Variants in CPNE8 observed in about 807,000 individuals in gnomAD.
CPNE8 encodes copine-8.
In CPNE8, 45 loss-of-function variants were observed where a neutral mutation model predicts 81.5. That is an observed-to-expected ratio of 0.55 (90% CI 0.44 to 0.71). CPNE8 has a LOEUF of 0.71. Ranked by LOEUF, CPNE8 falls within the 30% of genes least tolerant of loss-of-function variation. CPNE8 has a pLI of 0.00. For missense variants in CPNE8, 594 were observed against 672.1 expected (o/e 0.88, Z 1.28); for synonymous variants, 252 against 226.3 (o/e 1.11, Z -1.02).
chr12:38,895,486 G>A (rs139293572), intron 1 of CPNE8, among the ~76,000 whole-genome samples: 1,995 of 152,082 alleles, frequency 0.013, 18 homozygotes, highest in African/African-American at 0.017. Flanking sequence ...CTGATTTCTA[G>A]CTAAATAGTC....
intron 6 of CPNE8, among the ~76,000 whole-genome samples, chr12:38,792,263 CA>C: frequency 6.8e-6 from 1 of 147,060 alleles, no homozygotes; most frequent in Non-Finnish European, 1.5e-5. Context: ...ATAGAGAATA[CA>C]AAAACATTAC....
intron 1 of CPNE8, among the ~76,000 whole-genome samples, chr12:38,899,476 T>TAAATA (rs1944430488): frequency 6.6e-6 from 1 of 152,202 alleles, no homozygotes; most frequent in South Asian, 2.1e-4. Context: ...ATGATGTTAA[T>TAAATA]AAGCCACCTT....
At chr12:38,845,617 T>A (rs888050337) in intron 4 of CPNE8, among the ~76,000 whole-genome samples, 7 of 152,096 alleles carry the variant, frequency 4.6e-5, no homozygotes, top group African/African-American at 1.7e-4. Flanking sequence ...TATATATATA[T>A]AACTCGTGAA....
intron 1 of CPNE8, among the ~76,000 whole-genome samples, chr12:38,894,611 G>A (rs1352556198): frequency 1.3e-5 from 2 of 148,632 alleles, no homozygotes; most frequent in African/African-American, 2.5e-5. Flanking sequence ...TTCTAGTGTA[G>A]TTCCCACGTA....
Position 38,732,015 on chromosome 12 carries a change from AG to A in CPNE8, c.723-1658del, listed in dbSNP as rs567180174. On this transcript the variant is annotated intron_variant, in intron 10 of 19. Coordinates refer to ENST00000331366, the MANE Select transcript of CPNE8 (RefSeq NM_153634.3). ...AACCACTGAGATAAAAGGTTCTATT[AG>A]AGCACTTCAAACACAACGCTTTGAT... Among the ~76,000 whole-genome samples the A allele has an allele frequency of 1.5e-3, 227 of 151,996 alleles. 1 individual carries two copies. The highest frequency in any genetic ancestry group is 5.2e-3 in the African/African-American group (215 of 41,524).
intron 8 of CPNE8, among the ~76,000 whole-genome samples, chr12:38,766,449 C>A (rs1049553467): frequency 2.6e-5 from 4 of 152,116 alleles, no homozygotes; most frequent in African/African-American, 9.7e-5. Context: ...GATGCTATGA[C>A]ACTGACATTT....
At chr12:38,862,475 T>C (rs1943852233) in intron 3 of CPNE8, among the ~76,000 whole-genome samples, 1 of 152,194 alleles carries the variant, frequency 6.6e-6, no homozygotes, top group Non-Finnish European at 1.5e-5. Flanking sequence ...ATTTGCACCT[T>C]TTCTGTACGC....
intron 6 of CPNE8, among the ~76,000 whole-genome samples, chr12:38,822,621 G>T (rs974613678): frequency 6.6e-6 from 1 of 152,176 alleles, no homozygotes; most frequent in African/African-American, 2.4e-5. Context: ...TCAGGAATTT[G>T]ATGCACTTTG....
intron 1 of CPNE8, among the ~76,000 whole-genome samples, chr12:38,888,473 T>C (rs745374070): frequency 2.6e-5 from 4 of 152,182 alleles, no homozygotes; most frequent in Admixed American, 6.5e-5. Context: ...CTTTGGACCA[T>C]TGGACAATTC....
chr12:38,773,335 A>G (rs1441600662), intron 7 of CPNE8, among the ~76,000 whole-genome samples: 1 of 152,114 alleles, frequency 6.6e-6, no homozygotes, highest in Non-Finnish European at 1.5e-5. Context: ...AAAAATATTA[A>G]TAATAAATAA....
chr12:38,883,975 G>A (rs183744543), intron 1 of CPNE8, among the ~76,000 whole-genome samples: 18 of 152,194 alleles, frequency 1.2e-4, no homozygotes, highest in East Asian at 1.2e-3. Context: ...TGTATCTCCC[G>A]TTCACTTGAG....
chr12:38,774,973 T>C (rs145687586), intron 7 of CPNE8, among the ~76,000 whole-genome samples: 21 of 152,328 alleles, frequency 1.4e-4, no homozygotes, highest in African/African-American at 4.6e-4. Flanking sequence ...TATCTCACTG[T>C]TCTACTCCTG....
At chr12:38,779,661 T>C (rs1485700080) in intron 6 of CPNE8, among the ~76,000 whole-genome samples, 2 of 152,100 alleles carry the variant, frequency 1.3e-5, no homozygotes, top group Non-Finnish European at 2.9e-5. Context: ...TCCAGAAAAG[T>C]TTCCCTTCAA....
rs986590375 is a variant in CPNE8, at chr12:38,803,459, C to G, written c.407+25920G>C. Among the ~76,000 whole-genome samples, 543 of 150,498 alleles carry G rather than the reference C, an allele frequency of 3.6e-3. 2 individuals carry two copies. The highest frequency in any genetic ancestry group is 0.013 in the African/African-American group (513 of 41,024). ...AAAGCCTTTGACAAAATTCAACAAC[C>G]CTTCATGCTAAAAACTTTCAATAAA... On this transcript the variant is annotated intron_variant, in intron 6 of 19. Coordinates refer to ENST00000331366, the MANE Select transcript of CPNE8 (RefSeq NM_153634.3).
intron 6 of CPNE8, among the ~76,000 whole-genome samples, chr12:38,789,533 T>C (rs1215495485): frequency 6.6e-6 from 1 of 151,774 alleles, no homozygotes. Context: ...TCCAGGACAT[T>C]GGTCTGAGCA....
At chr12:38,703,036 A>C (rs1939988424) in intron 13 of CPNE8, 115 bp from the exon 14 acceptor site, 2 of 705,904 alleles carry the variant, frequency 2.8e-6, no homozygotes, top group Non-Finnish European at 4.7e-6. Flanking sequence ...GTTAATTAAG[A>C]GCAATATATT....
chr12:38,794,155 C>T (rs577182780), intron 6 of CPNE8, among the ~76,000 whole-genome samples: 44 of 152,048 alleles, frequency 2.9e-4, no homozygotes, highest in African/African-American at 7.7e-4. Context: ...TTCTTGGATA[C>T]GACACCAAAA....
At chr12:38,826,215 C>T (rs1943188708) in intron 6 of CPNE8, among the ~76,000 whole-genome samples, 2 of 152,086 alleles carry the variant, frequency 1.3e-5, no homozygotes, top group Admixed American at 6.5e-5. Context: ...TGTTTATTTG[C>T]CTGACAAGAC....
Position 38,851,176 on chromosome 12 carries a change from C to A in CPNE8, c.187-2514G>T, listed in dbSNP as rs185556527. Reference sequence around the variant, plus strand: ...CGTGGTCTCAGGTATTCTGTTACAGCAACACAAAACAGACCAGGATAATTT... The same window carrying A: ...CGTGGTCTCAGGTATTCTGTTACAGAAACACAAAACAGACCAGGATAATTT... On this transcript the variant is annotated intron_variant, in intron 3 of 19. Transcript: ENST00000331366. Among the ~76,000 whole-genome samples, 540 of 152,280 alleles carry A rather than the reference C, an allele frequency of 3.5e-3. 1 individual carries two copies. The highest frequency in any genetic ancestry group is 6.3e-3 in the Admixed American group (97 of 15,296).
Sources: allele counts gnomAD v4.1 joint callset (sites outside exome capture counted in the v4.1 genomes callset), GRCh38; gene constraint gnomAD v4.1.1; transcripts MANE v1.5; gene names NCBI Gene and HGNC (gene_info 2026-07-23, HGNC 2026-07-21).